Variants in ATG7 observed in about 807,000 individuals in gnomAD.
The protein encoded by ATG7 is ubiquitin-like modifier-activating enzyme ATG7.
Under a neutral mutation model 82.4 loss-of-function variants are expected in ATG7, and 70 were observed. The ratio of observed to expected loss-of-function variants is 0.85; its 90% CI spans 0.70 to 1.04. ATG7 has a LOEUF of 1.04. ATG7 is among the 50% of genes least tolerant of loss of function. The pLI is 0.00. For missense variants in ATG7, 792 were observed against 864.3 expected (o/e 0.92, Z 1.05); for synonymous variants, 287 against 313.0 (o/e 0.92, Z 0.88).
At chr3:11,455,513 A>G (rs1180707971) in intron 20 of ATG7, among the ~76,000 whole-genome samples, 1 of 152,208 alleles carries the variant, frequency 6.6e-6, no homozygotes, top group Non-Finnish European at 1.5e-5. Context: ...CATTTTGTAT[A>G]AAAGCCATCC....
downstream of ATG7, chr3:11,558,127 C>A: frequency 4.5e-6 from 1 of 222,018 alleles, no homozygotes; most frequent in East Asian, 9.9e-5. Flanking sequence ...ACACATGGAC[C>A]GAACCAAACA....
intron 20 of ATG7, among the ~76,000 whole-genome samples, chr3:11,503,804 A>G (rs946209012): frequency 6.6e-6 from 1 of 151,904 alleles, no homozygotes; most frequent in Non-Finnish European, 1.5e-5. Flanking sequence ...TACTCTTAGA[A>G]ATTAAATATA....
chr3:11,319,304 C>CT (rs925706476), intron 9 of ATG7, among the ~76,000 whole-genome samples: 1 of 152,172 alleles, frequency 6.6e-6, no homozygotes, highest in African/African-American at 2.4e-5. Context: ...TTTTCACCCT[C>CT]TTTTTTCAAA....
chr3:11,339,079 G>C lies in ATG7; in HGVS notation c.890-1566G>C, dbSNP rs1195894698. Among the ~76,000 whole-genome samples, 3 of 151,964 alleles carry C rather than the reference G, an allele frequency of 2.0e-5. No homozygotes were observed. In the East Asian group the frequency reaches 5.8e-4, roughly 29 times the overall value. ...TGGGAGGCCAAGGCGGGTGGATCAC[G>C]AGGTCAGGAGATCAAGACCATCCTG... On this transcript the variant is annotated intron_variant, in intron 11 of 20. Transcript: ENST00000693202.
At chr3:11,421,795 T>A (rs1290236208) in intron 19 of ATG7, among the ~76,000 whole-genome samples, 2 of 152,210 alleles carry the variant, frequency 1.3e-5, no homozygotes, top group Non-Finnish European at 2.9e-5. Flanking sequence ...ATAATAAGAC[T>A]TGGAAGTCAA....
chr3:11,293,361 C>G (rs1945272854), intron 3 of ATG7, among the ~76,000 whole-genome samples: 2 of 150,834 alleles, frequency 1.3e-5, no homozygotes, highest in Non-Finnish European at 1.5e-5. Flanking sequence ...GAAACCCCAT[C>G]TCTCCCAAAA....
chr3:11,437,611 T>C lies in ATG7; in HGVS notation c.2079+10685T>C, dbSNP rs148632186. Reference sequence around the variant, plus strand: ...TTTTTAGCTTGAAAATTCCCAAATATACCAGAAAGTTGAATGAAAAGTACA... The same window carrying C: ...TTTTTAGCTTGAAAATTCCCAAATACACCAGAAAGTTGAATGAAAAGTACA... On this transcript the variant is annotated intron_variant, in intron 20 of 20. Transcript: ENST00000693202. 2.1e-3 allele frequency among the ~76,000 whole-genome samples: 325 copies of C among 152,288 alleles called. 1 individual carries two copies. Among genetic ancestry groups the C allele is most frequent in the African/African-American group, 6.9e-3 (286 of 41,564 alleles).
chr3:11,363,896 CTG>C (rs1444299942), intron 17 of ATG7, among the ~76,000 whole-genome samples: 1 of 152,202 alleles, frequency 6.6e-6, no homozygotes, highest in African/African-American at 2.4e-5. Context: ...TATGGGTACT[CTG>C]AGATAAATGA....
chr3:11,345,546 TA>T, intron 13 of ATG7, among the ~76,000 whole-genome samples: 1 of 152,236 alleles, frequency 6.6e-6, no homozygotes. Context: ...TTAATTGACA[TA>T]AAATACATAT....
intron 20 of ATG7, among the ~76,000 whole-genome samples, chr3:11,453,262 G>C (rs540681584): frequency 6.6e-6 from 1 of 152,334 alleles, no homozygotes; most frequent in South Asian, 2.1e-4. Context: ...GTGTGGAAAG[G>C]CCTGTCCCCA....
intron 20 of ATG7, among the ~76,000 whole-genome samples, chr3:11,435,354 C>T (rs906895394): frequency 2.0e-5 from 3 of 152,098 alleles, no homozygotes; most frequent in African/African-American, 7.2e-5. Context: ...GACTCGGTGC[C>T]ACTTTTGACT....
intron 3 of ATG7, among the ~76,000 whole-genome samples, chr3:11,284,083 A>G (rs1053153188): frequency 3.9e-5 from 6 of 152,152 alleles, no homozygotes; most frequent in Non-Finnish European, 7.4e-5. Flanking sequence ...TCCCCTAAAG[A>G]CAGGTTCTTT....
chr3:11,540,959 G>C (rs2070774805), intron 20 of ATG7, among the ~76,000 whole-genome samples: 1 of 150,874 alleles, frequency 6.6e-6, no homozygotes, highest in South Asian at 2.1e-4. Context: ...GAGTGCAGTG[G>C]TGCAATCTTG....
chr3:11,559,414 G>A (rs887593425), downstream of ATG7: 18 of 1,563,242 alleles, frequency 1.2e-5, no homozygotes, highest in Non-Finnish European at 1.5e-5. Context: ...GGTTGCAGTT[G>A]CGGGCGCCAG....
intron 11 of ATG7, among the ~76,000 whole-genome samples, chr3:11,335,134 T>C (rs929720566): frequency 6.6e-6 from 1 of 152,054 alleles, no homozygotes; most frequent in African/African-American, 2.4e-5. Context: ...AGGACGATGC[T>C]GCTTTTCAGT....
intron 20 of ATG7, among the ~76,000 whole-genome samples, chr3:11,521,195 G>A (rs1441718155): frequency 6.6e-6 from 1 of 151,510 alleles, no homozygotes; most frequent in Non-Finnish European, 1.5e-5. Context: ...GCAGCCATTG[G>A]TTGCCATAGG....
At position 11,358,587 on chromosome 3, in the gene ATG7, C is replaced by T. The variant is rs1460057376; in HGVS notation, c.1454C>T (p.Ala485Val). Residue 485 changes from alanine (A) to valine (V), a missense_variant, in exon 15 of 21, where the codon GCC becomes GTC. Coordinates refer to ENST00000693202, the MANE Select transcript of ATG7 (RefSeq NM_001349232.2). Reference protein sequence around the residue: ...MDTRESRWLPAVIAASKRKLV... With the variant: ...MDTRESRWLPVVIAASKRKLV... ...ACCAGGGAGAGCCGGTGGCTTCCTGCCGTCATTGCTGCAAGCAAGAGAAAG... is the reference window on the plus strand; with the variant it reads ...ACCAGGGAGAGCCGGTGGCTTCCTGTCGTCATTGCTGCAAGCAAGAGAAAG... 3.7e-6 allele frequency: 6 copies of T among 1,613,350 alleles called. No homozygotes were observed. The highest frequency in any genetic ancestry group is 5.1e-6 in the Non-Finnish European group (6 of 1,179,900).
At chr3:11,515,588 A>T (rs2092252701) in intron 20 of ATG7, among the ~76,000 whole-genome samples, 1 of 152,178 alleles carries the variant, frequency 6.6e-6, no homozygotes, top group African/African-American at 2.4e-5. Flanking sequence ...GTGTATATTG[A>T]CAAGACATTG....
chr3:11,515,882 C>A (rs561146520), intron 20 of ATG7, among the ~76,000 whole-genome samples: 4 of 152,180 alleles, frequency 2.6e-5, no homozygotes, highest in African/African-American at 7.2e-5. Flanking sequence ...TGCTGTGGGG[C>A]TTGAAGCCAG....
Sources: gnomAD v4.1 joint callset for allele counts (sites outside exome capture counted in the v4.1 genomes callset) on GRCh38, gnomAD v4.1.1 for gene constraint, MANE v1.5 for transcripts, NCBI Gene and HGNC (gene_info 2026-07-23, HGNC 2026-07-21) for gene names.